Variants in CHRM3 observed in about 807,000 individuals in gnomAD.
The protein encoded by CHRM3 is cholinergic receptor muscarinic 3.
Under a neutral mutation model 41.8 loss-of-function variants are expected in CHRM3, and 11 were observed. That is an observed-to-expected ratio of 0.26 (90% CI 0.17 to 0.44). CHRM3 has a LOEUF of 0.44. Ranked by LOEUF, CHRM3 falls within the 20% of genes least tolerant of loss-of-function variation. The pLI is 1.00. For missense variants in CHRM3, 571 were observed against 745.4 expected (o/e 0.77, Z 2.72); for synonymous variants, 297 against 301.4 (o/e 0.99, Z 0.15).
At chr1:239,467,141 G>C (rs1269980198) in intron 1 of CHRM3, among the ~76,000 whole-genome samples, 1 of 152,070 alleles carries the variant, frequency 6.6e-6, no homozygotes, top group African/African-American at 2.4e-5. Context: ...TTAAGACAGT[G>C]ACCCCTCACT....
intron 3 of CHRM3, among the ~76,000 whole-genome samples, chr1:239,574,980 A>G (rs10802775): frequency 0.077 from 11,664 of 152,256 alleles, 742 homozygotes; most frequent in African/African-American, 0.17. Context: ...TAATGTTGCC[A>G]ACAGAATAGA....
intron 3 of CHRM3, among the ~76,000 whole-genome samples, chr1:239,561,341 A>C (rs1471444692): frequency 6.6e-6 from 1 of 152,130 alleles, no homozygotes; most frequent in African/African-American, 2.4e-5. Flanking sequence ...CATTGCCCAG[A>C]AGTTCCCCTT....
At chr1:239,660,517 AT>A (rs766827670) in intron 4 of CHRM3, among the ~76,000 whole-genome samples, 19 of 152,192 alleles carry the variant, frequency 1.2e-4, no homozygotes, top group Non-Finnish European at 2.4e-4. Flanking sequence ...ATTAAAAAAA[AT>A]CTTATTGAAC....
rs184181377 is a variant in CHRM3, at chr1:239,911,774, G to C, written c.*2550G>C. On this transcript the variant is annotated 3_prime_UTR_variant, in exon 7 of 7. Coordinates refer to ENST00000676153, the MANE Select transcript of CHRM3 (RefSeq NM_001375978.1). Reference sequence around the variant, plus strand: ...GTTTTTAAGCCTCTTATGGATGAAAGCTGCATTTAAATACTATCTACTGAT... The same window carrying C: ...GTTTTTAAGCCTCTTATGGATGAAACCTGCATTTAAATACTATCTACTGAT... 4.9e-3 allele frequency: 823 copies of C among 166,988 alleles called. 10 individuals are homozygous for C. The highest frequency in any genetic ancestry group is 5.3e-3 in the Non-Finnish European group (358 of 68,098). 10.3% of individuals were successfully genotyped at this position (166,988 alleles called of 1,614,324 possible).
chr1:239,681,026 G>A (rs894818786), intron 5 of CHRM3, among the ~76,000 whole-genome samples: 3 of 152,112 alleles, frequency 2.0e-5, no homozygotes, highest in Non-Finnish European at 2.9e-5. Flanking sequence ...GAAAAATGAG[G>A]AGGAAGCAAA....
In CHRM3 at chr1:239,396,565, G is replaced by A. The variant is rs543587179; in HGVS notation, c.-521+9338G>A. 7.2e-5 allele frequency among the ~76,000 whole-genome samples: 11 copies of A among 152,240 alleles called. No individual in the cohort carries two copies. The East Asian group carries it at 2.1e-3, about 29-fold the overall frequency. ...TTAGTTCAAAGCTGCAGTGAGCTGT[G>A]ATGGTGCCACTGCACTCCAGCCTGG... On this transcript the variant is annotated intron_variant, in intron 1 of 6. Transcript: ENST00000676153.
intron 3 of CHRM3, among the ~76,000 whole-genome samples, chr1:239,604,015 A>G (rs1665928925): frequency 6.6e-6 from 1 of 152,216 alleles, no homozygotes; most frequent in Non-Finnish European, 1.5e-5. Flanking sequence ...GTAATATATT[A>G]GTAAAAATGA....
At chr1:239,492,378 A>T (rs542910830) in intron 1 of CHRM3, among the ~76,000 whole-genome samples, 2 of 152,280 alleles carry the variant, frequency 1.3e-5, no homozygotes, top group African/African-American at 4.8e-5. Context: ...TATCTTTATT[A>T]TACCTATGCT....
intron 1 of CHRM3, among the ~76,000 whole-genome samples, chr1:239,430,265 C>T (rs1374452751): frequency 1.3e-5 from 2 of 151,290 alleles, no homozygotes; most frequent in Non-Finnish European, 2.9e-5. Flanking sequence ...CACACCCAGC[C>T]CCCAGACAAT....
At chr1:239,597,240 G>T (rs756202157) in intron 3 of CHRM3, among the ~76,000 whole-genome samples, 10 of 152,076 alleles carry the variant, frequency 6.6e-5, no homozygotes, top group Non-Finnish European at 1.3e-4. Flanking sequence ...AAAAAAGAAG[G>T]TATAGGATAT....
intron 5 of CHRM3, among the ~76,000 whole-genome samples, chr1:239,768,777 T>C (rs942115595): frequency 1.3e-5 from 2 of 151,984 alleles, no homozygotes; most frequent in African/African-American, 4.8e-5. Flanking sequence ...ATTTTTTTTT[T>C]TTTTTGAGAT....
At chr1:239,560,698 A>G (rs111239055) in intron 3 of CHRM3, among the ~76,000 whole-genome samples, 4,693 of 151,890 alleles carry the variant, frequency 0.031, 264 homozygotes, top group African/African-American at 0.11. Flanking sequence ...GTGTGTGTGT[A>G]TATATATATC....
At chr1:239,622,114 A>G (rs965333025) in intron 3 of CHRM3, among the ~76,000 whole-genome samples, 18 of 152,186 alleles carry the variant, frequency 1.2e-4, no homozygotes, top group Non-Finnish European at 2.5e-4. Flanking sequence ...ATCTGTTTAC[A>G]GCCTGATATA....
chr1:239,567,103 G>T lies in CHRM3; in HGVS notation c.-313+21354G>T, dbSNP rs139950971. ...CTCTTTCCAAACCATAAACAAAATT[G>T]CAATTACCCTATTGAAAATGTTTAA... On this transcript the variant is annotated intron_variant, in intron 3 of 6. Transcript: ENST00000676153. 7.3e-4 allele frequency among the ~76,000 whole-genome samples: 111 copies of T among 152,140 alleles called. No homozygotes were observed. The Middle Eastern group carries it at 0.014, about 19-fold the overall frequency.
At chr1:239,647,522 A>T (rs1671844558) in intron 4 of CHRM3, among the ~76,000 whole-genome samples, 1 of 150,950 alleles carries the variant, frequency 6.6e-6, no homozygotes, top group Admixed American at 6.6e-5. Flanking sequence ...CAAAGTGATG[A>T]TTTCCTTCCT....
At chr1:239,905,335 A>G (rs996696157) in intron 6 of CHRM3, among the ~76,000 whole-genome samples, 2 of 152,170 alleles carry the variant, frequency 1.3e-5, no homozygotes, top group Admixed American at 1.3e-4. Flanking sequence ...CCCAGACATC[A>G]CCTTGTTAGC....
chr1:239,429,566 T>C (rs1458044825), intron 1 of CHRM3, among the ~76,000 whole-genome samples: 1 of 152,194 alleles, frequency 6.6e-6, no homozygotes, highest in Non-Finnish European at 1.5e-5. Context: ...CAGTGCTTAT[T>C]GAATGTGTTT....
intron 3 of CHRM3, among the ~76,000 whole-genome samples, chr1:239,573,775 T>A (rs1662046448): frequency 6.6e-6 from 1 of 152,156 alleles, no homozygotes; most frequent in Admixed American, 6.6e-5. Flanking sequence ...TGTGTATATA[T>A]AGTATAATTA....
intron 6 of CHRM3, among the ~76,000 whole-genome samples, chr1:239,895,816 A>G (rs1490684180): frequency 6.6e-6 from 1 of 152,166 alleles, no homozygotes; most frequent in Non-Finnish European, 1.5e-5. Context: ...AGGGCCATAC[A>G]TGAGTGTGGA....
Sources: gnomAD v4.1 joint callset for allele counts (sites outside exome capture counted in the v4.1 genomes callset) on GRCh38, gnomAD v4.1.1 for gene constraint, MANE v1.5 for transcripts, NCBI Gene and HGNC (gene_info 2026-07-23, HGNC 2026-07-21) for gene names.